Variants in RFX3 observed in about 807,000 individuals in gnomAD.
The protein encoded by RFX3 is regulatory factor X3, also known as transcription factor RFX3.
RFX3 carries 14 observed loss-of-function variants against 98.6 expected under a neutral mutation model. The observed-to-expected ratio is 0.14, with a 90% CI of 0.09 to 0.22. The LOEUF is 0.22. Among genes scored for constraint, RFX3 ranks in the 10% least tolerant of loss-of-function variants. RFX3 has a pLI of 1.00. For synonymous variants in RFX3, 383 were observed against 328.4 expected (o/e 1.17, Z -1.80); for missense variants, 639 against 926.9 (o/e 0.69, Z 4.03).
chr9:3,340,273 A>C (rs1833718578), intron 3 of RFX3, among the ~76,000 whole-genome samples: 2 of 152,178 alleles, frequency 1.3e-5, no homozygotes, highest in Non-Finnish European at 2.9e-5. Context: ...TAAAGACTTA[A>C]ATGTTAGACC....
At chr9:3,426,204 T>C (rs558159559) in intron 1 of RFX3, among the ~76,000 whole-genome samples, 1 of 152,242 alleles carries the variant, frequency 6.6e-6, no homozygotes, top group East Asian at 1.9e-4. Flanking sequence ...TCCATCTATG[T>C]TTATAAATGA....
At chr9:3,394,883 GT>G in intron 2 of RFX3, 1 of 970,602 alleles carries the variant, frequency 1.0e-6, no homozygotes, top group South Asian at 4.8e-5. Context: ...ACTGCCCTGC[GT>G]ATGAATAAGA....
At position 3,248,372 on chromosome 9, in the gene RFX3, A is replaced by C. The variant is rs148607012; in HGVS notation, c.1815-187T>G. 4.7e-3 allele frequency among the ~76,000 whole-genome samples: 710 copies of C among 152,354 alleles called. 5 individuals are homozygous for C. Among genetic ancestry groups the C allele is most frequent in the Admixed American group, 6.7e-3 (102 of 15,296 alleles). ...CATTTAAATAGAATGATAAAGAGGT[A>C]ATCCTCACGGAGACTTGATCCTTAT... On this transcript the variant is annotated intron_variant, in intron 14 of 16. Transcript: ENST00000617270.
At chr9:3,366,711 T>TTTCTTTCTTTCC (rs1837204757) in intron 2 of RFX3, among the ~76,000 whole-genome samples, 1 of 134,340 alleles carries the variant, frequency 7.4e-6, no homozygotes, top group African/African-American at 2.9e-5. Context: ...TCTTTCTTTC[T>TTTCTTTCTTTCC]TTCTTTCTTT....
At chr9:3,276,196 A>G (rs1825192386) in intron 8 of RFX3, among the ~76,000 whole-genome samples, 1 of 152,118 alleles carries the variant, frequency 6.6e-6, no homozygotes, top group Non-Finnish European at 1.5e-5. Flanking sequence ...TGACAGATCT[A>G]TACCAACATG....
chr9:3,468,274 A>G (rs1401552401), intron 1 of RFX3, among the ~76,000 whole-genome samples: 1 of 152,222 alleles, frequency 6.6e-6, no homozygotes, highest in Non-Finnish European at 1.5e-5. Flanking sequence ...ATTCTTAAAT[A>G]ACAAATACTA....
intron 4 of RFX3, among the ~76,000 whole-genome samples, chr9:3,308,835 A>C (rs1310314057): frequency 6.6e-6 from 1 of 152,062 alleles, no homozygotes; most frequent in Non-Finnish European, 1.5e-5. Context: ...GCTATGAGAA[A>C]ATATTTGGAG....
intron 2 of RFX3, among the ~76,000 whole-genome samples, chr9:3,379,110 A>C (rs931422890): frequency 1.3e-5 from 2 of 152,202 alleles, no homozygotes; most frequent in Non-Finnish European, 2.9e-5. Context: ...GACATAGTGC[A>C]TGCAAGGTTG....
intron 1 of RFX3, among the ~76,000 whole-genome samples, chr9:3,458,441 C>T (rs189676288): frequency 6.6e-6 from 1 of 152,150 alleles, no homozygotes; most frequent in Non-Finnish European, 1.5e-5. Flanking sequence ...AATAAATCTA[C>T]ATGTCTTACA....
At chr9:3,251,737 C>T (rs1455671379) in intron 14 of RFX3, among the ~76,000 whole-genome samples, 1 of 152,100 alleles carries the variant, frequency 6.6e-6, no homozygotes, top group African/African-American at 2.4e-5. Context: ...AAAAACAATA[C>T]TGAGTCAGGT....
At chr9:3,358,810 A>G (rs999275595) in intron 2 of RFX3, among the ~76,000 whole-genome samples, 1 of 152,102 alleles carries the variant, frequency 6.6e-6, no homozygotes, top group African/African-American at 2.4e-5. Context: ...CAGAAGGGGA[A>G]GCAAACACAA....
At chr9:3,370,040 C>T (rs13285681) in intron 2 of RFX3, among the ~76,000 whole-genome samples, 6 of 146,510 alleles carry the variant, frequency 4.1e-5, no homozygotes, top group South Asian at 2.2e-4. Flanking sequence ...ACGGGGTTTC[C>T]CCGTGTTAGC....
chr9:3,258,852 A>C (rs115901164), intron 13 of RFX3, among the ~76,000 whole-genome samples: 16,815 of 151,034 alleles, frequency 0.11, 942 homozygotes, highest in Middle Eastern at 0.2. Flanking sequence ...TTTTAAATAT[A>C]TATTTGTATT....
intron 1 of RFX3, chr9:3,488,676 C>T: frequency 4.7e-6 from 2 of 427,862 alleles, no homozygotes; most frequent in African/African-American, 2.1e-5. Context: ...GTTGTCAAGG[C>T]CTTAGACACA....
chr9:3,257,356 G>A (rs1285909296), intron 13 of RFX3, among the ~76,000 whole-genome samples, 157 bp from the exon 14 acceptor site: 1 of 151,898 alleles, frequency 6.6e-6, no homozygotes, highest in African/African-American at 2.4e-5. Flanking sequence ...CAATTGTTAG[G>A]GTAACACAAT....
chr9:3,372,603 G>A (rs962701310), intron 2 of RFX3, among the ~76,000 whole-genome samples: 2 of 147,544 alleles, frequency 1.4e-5, no homozygotes, highest in Admixed American at 6.8e-5. Context: ...GCTGGAGTGC[G>A]GTGGTGTGAT....
intron 1 of RFX3, among the ~76,000 whole-genome samples, chr9:3,481,872 A>G (rs977519597): frequency 1.3e-5 from 2 of 152,126 alleles, no homozygotes; most frequent in Non-Finnish European, 2.9e-5. Context: ...AATAAAAAAA[A>G]TAAATAAAAA....
intron 2 of RFX3, among the ~76,000 whole-genome samples, chr9:3,385,090 G>A (rs966519110): frequency 3.9e-5 from 6 of 152,064 alleles, no homozygotes; most frequent in African/African-American, 1.4e-4. Flanking sequence ...TTAGAATGAG[G>A]GTGTATTTTT....
At chr9:3,348,040 A>C (rs138889947) in intron 2 of RFX3, among the ~76,000 whole-genome samples, 125 of 152,300 alleles carry the variant, frequency 8.2e-4, no homozygotes, top group Admixed American at 3.5e-3. Flanking sequence ...GTAAGATCCA[A>C]ACATGGTCTA....
Sources: gnomAD v4.1 joint callset for allele counts (sites outside exome capture counted in the v4.1 genomes callset) on GRCh38, gnomAD v4.1.1 for gene constraint, MANE v1.5 for transcripts, NCBI Gene and HGNC (gene_info 2026-07-23, HGNC 2026-07-21) for gene names.